TRAM1: variants seen among roughly 807,000 people sequenced by gnomAD.
TRAM1 encodes translocation associated membrane protein 1, also known as translocating chain-associated membrane protein 1.
TRAM1 carries 17 observed loss-of-function variants against 48.7 expected under a neutral mutation model. The observed-to-expected ratio is 0.35, with a 90% CI of 0.24 to 0.52. The LOEUF (loss-of-function observed/expected upper bound fraction) is 0.52. Among genes scored for constraint, TRAM1 ranks in the 20% least tolerant of loss-of-function variants. The probability of loss-of-function intolerance (pLI) is 0.94; values close to 1 mark genes in which losing one functional copy is unlikely to be tolerated. For synonymous variants in TRAM1, 182 were observed against 154.0 expected (o/e 1.18, Z -1.34); for missense variants, 351 against 441.5 (o/e 0.79, Z 1.84).
intron 10 of TRAM1, among the ~76,000 whole-genome samples, chr8:70,582,928 A>C (rs531868477): frequency 1.3e-5 from 2 of 152,314 alleles, no homozygotes; most frequent in Admixed American, 6.5e-5. Context: ...CCAAGCATGG[A>C]AAACTTGTTA....
intron 5 of TRAM1, among the ~76,000 whole-genome samples, chr8:70,594,849 T>C (rs934420020): frequency 3.3e-5 from 5 of 152,146 alleles, no homozygotes; most frequent in Non-Finnish European, 5.9e-5. Flanking sequence ...GTAAGCCAGT[T>C]GGGAGGAGTC....
chr8:70,591,880 C>G (rs1817372342), intron 6 of TRAM1, among the ~76,000 whole-genome samples: 2 of 151,784 alleles, frequency 1.3e-5, no homozygotes, highest in African/African-American at 2.4e-5. Context: ...ACCAGTGAGA[C>G]AGAAGATGAC....
intron 4 of TRAM1, among the ~76,000 whole-genome samples, chr8:70,597,143 T>C (rs540230492): frequency 1.3e-5 from 2 of 152,294 alleles, no homozygotes; most frequent in South Asian, 2.1e-4. Context: ...TGGAACACCA[T>C]ATAAATTTAA....
At chr8:70,581,541 A>G (rs1817074188) in intron 10 of TRAM1, among the ~76,000 whole-genome samples, 1 of 152,232 alleles carries the variant, frequency 6.6e-6, no homozygotes, top group Non-Finnish European at 1.5e-5. Context: ...ACCACTTCAA[A>G]GAACAGTTTG....
chr8:70,589,421 T>C (rs1020287205), intron 6 of TRAM1, among the ~76,000 whole-genome samples: 8 of 152,208 alleles, frequency 5.3e-5, no homozygotes, highest in Non-Finnish European at 1.2e-4. Flanking sequence ...TCAATGCAAT[T>C]TGATGTACAA....
chr8:70,592,637 T>C (rs1452071401), intron 6 of TRAM1, among the ~76,000 whole-genome samples: 1 of 152,222 alleles, frequency 6.6e-6, no homozygotes, highest in Non-Finnish European at 1.5e-5. Flanking sequence ...CCCTTCTTAC[T>C]TACCATAGTC....
chr8:70,598,028 C>A lies in TRAM1; in HGVS notation c.310-17G>T. Reference sequence around the variant, plus strand: ...GTTAATTTTCTAAAAATAAAAACAGCCATTAGTAATTAAGAATAAATTATA... The same window carrying A: ...GTTAATTTTCTAAAAATAAAAACAGACATTAGTAATTAAGAATAAATTATA... On this transcript the variant is annotated splice_polypyrimidine_tract_variant and intron_variant, in intron 3 of 10. Transcript: ENST00000262213. The A allele has an allele frequency of 1.3e-6, 2 of 1,550,878 alleles. No homozygotes were observed. Among genetic ancestry groups the A allele is most frequent in the Admixed American group, 1.8e-5 (1 of 56,388 alleles).
At chr8:70,577,446 C>T (rs563146120) in intron 10 of TRAM1, among the ~76,000 whole-genome samples, 2 of 152,298 alleles carry the variant, frequency 1.3e-5, no homozygotes, top group African/African-American at 4.8e-5. Flanking sequence ...CTTCCTCCCC[C>T]CTGAAGCTCA....
At chr8:70,587,390 G>A (rs1817246912) in intron 6 of TRAM1, 1 of 504,588 alleles carries the variant, frequency 2.0e-6, no homozygotes, top group African/African-American at 1.9e-5. Context: ...AAATGTAGAA[G>A]TAGGAGATCT....
At chr8:70,606,699 C>T (rs1330381800) in intron 1 of TRAM1, among the ~76,000 whole-genome samples, 1 of 151,826 alleles carries the variant, frequency 6.6e-6, no homozygotes, top group East Asian at 1.9e-4. Flanking sequence ...TTAACTATAC[C>T]TGCTACCTCC....
chr8:70,583,536 T>C lies in TRAM1; in HGVS notation c.890+114A>G, dbSNP rs1817129575. ...GCAACGGGTATGAAATAAAATCAAA[T>C]GAGTATTTTCCCCAACCTCATATTC... On this transcript the variant is annotated intron_variant, in intron 9 of 10. Coordinates refer to ENST00000262213, the MANE Select transcript of TRAM1 (RefSeq NM_014294.6). The C allele has an allele frequency of 2.1e-6, 3 of 1,422,420 alleles. No homozygotes were observed. In the Admixed American group the frequency reaches 7.4e-5, roughly 35 times the overall value. The allele number at this position is 1,422,420 out of a possible 1,614,324, so 88.1% of individuals were successfully genotyped here.
At chr8:70,578,123 A>T (rs1245748196) in intron 10 of TRAM1, among the ~76,000 whole-genome samples, 1 of 152,178 alleles carries the variant, frequency 6.6e-6, no homozygotes, top group Non-Finnish European at 1.5e-5. Flanking sequence ...AGCCCAGCGG[A>T]TGCAAGCAAT....
At chr8:70,589,487 T>C (rs1451114182) in intron 6 of TRAM1, among the ~76,000 whole-genome samples, 3 of 152,172 alleles carry the variant, frequency 2.0e-5, no homozygotes, top group African/African-American at 7.2e-5. Context: ...GGTGTGTACA[T>C]TGGTACTGAA....
chr8:70,605,832 T>G (rs1178339415), intron 1 of TRAM1, among the ~76,000 whole-genome samples: 1 of 152,162 alleles, frequency 6.6e-6, no homozygotes, highest in Admixed American at 6.5e-5. Context: ...TTTTATAAAT[T>G]TATATAAAGG....
At chr8:70,576,344 T>C (rs565145193) in intron 10 of TRAM1, among the ~76,000 whole-genome samples, 1 of 152,174 alleles carries the variant, frequency 6.6e-6, no homozygotes, top group African/African-American at 2.4e-5. Context: ...AAGACAAATG[T>C]TGGTTTTGAC....
rs1477970116 is a variant in TRAM1 at position 70,608,297 on chromosome 8, C to T, written c.-98G>A. The T allele has an allele frequency of 6.0e-5, 86 of 1,445,260 alleles. No homozygotes were observed. The highest frequency in any genetic ancestry group is 7.8e-5 in the Non-Finnish European group (86 of 1,097,926). The allele number at this position is 1,445,260 out of a possible 1,614,324, so 89.5% of individuals were successfully genotyped here. A position where few individuals can be genotyped will look rare whatever the true frequency, so the allele number is the denominator to read the frequency against. ...GCCGCCTCCCGCTGGCTGCTCCTCA[C>T]GGCCCCGCTGCAGCCGCTCGCTGGG... On this transcript the variant is annotated 5_prime_UTR_variant, in exon 1 of 11. In the 5' UTR this introduces an upstream ATG that the reference lacks. Coordinates refer to ENST00000262213, the MANE Select transcript of TRAM1 (RefSeq NM_014294.6).
At position 70,583,317 on chromosome 8, in the gene TRAM1, C is replaced by T; in HGVS notation, c.898G>A (p.Val300Ile). Residue 300 changes from valine (V) to isoleucine (I), a missense_variant, in exon 10 of 11, where the codon GTT becomes ATT. Transcript: ENST00000262213. Reference sequence around the variant, plus strand: ...TGAGTAACGCAAATGGATGCCAGAACAGCGATTCTAAGAAATATTAAGACA... The same window carrying T: ...TGAGTAACGCAAATGGATGCCAGAATAGCGATTCTAAGAAATATTAAGACA... ...NFNVLAVRIA[V>I]LASICVTQAF... The T allele has an allele frequency of 6.2e-7, 1 of 1,613,096 alleles. No individual in the cohort carries two copies. Among genetic ancestry groups the T allele is most frequent in the South Asian group, 1.1e-5 (1 of 90,786 alleles).
chr8:70,602,012 A>C (rs1275722487), intron 1 of TRAM1, among the ~76,000 whole-genome samples: 1 of 152,242 alleles, frequency 6.6e-6, no homozygotes, highest in Non-Finnish European at 1.5e-5. Flanking sequence ...TGGAGAGAAC[A>C]GGGAAAAAAG....
chr8:70,584,881 T>C (rs941764542), intron 8 of TRAM1, among the ~76,000 whole-genome samples: 4 of 152,048 alleles, frequency 2.6e-5, no homozygotes, highest in African/African-American at 9.7e-5. Context: ...TTCAATGCCA[T>C]CCCCATCAAG....
Sources: gnomAD v4.1 joint callset for allele counts (sites outside exome capture counted in the v4.1 genomes callset) on GRCh38, gnomAD v4.1.1 for gene constraint, MANE v1.5 for transcripts, NCBI Gene and HGNC (gene_info 2026-07-23, HGNC 2026-07-21) for gene names.